The following CNTN4 variants were observed in gnomAD, a reference collection of about 807,000 sequenced individuals.
The protein encoded by CNTN4 is contactin-4.
CNTN4 carries 77 observed loss-of-function variants against 122.5 expected under a neutral mutation model. The ratio of observed to expected loss-of-function variants is 0.63; its 90% confidence interval spans 0.52 to 0.76. CNTN4 has a LOEUF of 0.76. Among genes scored for constraint, CNTN4 ranks in the 30% least tolerant of loss-of-function variants. The pLI is 0.00. For missense variants in CNTN4, 1,256 were observed against 1,259.1 expected (o/e 1.00, Z 0.04); for synonymous variants, 512 against 447.0 (o/e 1.15, Z -1.83).
rs192617245 is a variant in CNTN4 at position 2,890,992 on chromosome 3, T to C, written c.940+3768T>C. On this transcript the variant is annotated intron_variant, in intron 10 of 24. Coordinates refer to ENST00000418658, the MANE Select transcript of CNTN4 (RefSeq NM_175607.3). Reference sequence around the variant, plus strand: ...TGACTTTAATACATTATTTACTTGTTTAACAAATTTTTTTTTATTGCCTAC... The same window carrying C: ...TGACTTTAATACATTATTTACTTGTCTAACAAATTTTTTTTTATTGCCTAC... Among the ~76,000 whole-genome samples the C allele has an allele frequency of 6.5e-3, 772 of 117,928 alleles. 19 individuals are homozygous for C. The highest frequency in any genetic ancestry group is 3.7e-3 in the Non-Finnish European group (201 of 53,846). 77.4% of individuals were successfully genotyped at this position (117,928 alleles called of 152,430 possible). A position where few individuals can be genotyped will look rare whatever the true frequency, so the allele number is the denominator to read the frequency against.
At chr3:2,804,098 C>T (rs918166874) in intron 6 of CNTN4, among the ~76,000 whole-genome samples, 29 of 137,364 alleles carry the variant, frequency 2.1e-4, no homozygotes, top group Non-Finnish European at 4.2e-4. Flanking sequence ...CACACACACA[C>T]GTATGATAAA....
chr3:3,034,668 A>G lies in CNTN4; in HGVS notation c.1820A>G (p.Glu607Gly), dbSNP rs1699446555. The G allele has an allele frequency of 1.9e-6, 3 of 1,614,044 alleles. No individual in the cohort carries two copies. Among genetic ancestry groups the G allele is most frequent in the South Asian group, 1.1e-5 (1 of 91,076 alleles). The change falls in exon 17 of 25, where the codon GAA (glutamate) becomes GGA (glycine). Residue 607 changes from glutamate to glycine, a missense_variant. Coordinates refer to ENST00000418658, the MANE Select transcript of CNTN4 (RefSeq NM_175607.3). ...CCCCCAGAGGCTGTGACAATAGACGAAATCACAGATACCACTGCTCAGCTC... is the reference window on the plus strand; with the variant it reads ...CCCCCAGAGGCTGTGACAATAGACGGAATCACAGATACCACTGCTCAGCTC... Reference protein sequence around the residue: ...PGPPEAVTIDEITDTTAQLSW... With the variant: ...PGPPEAVTIDGITDTTAQLSW...
At chr3:2,683,722 G>A (rs1400374096) in intron 4 of CNTN4, among the ~76,000 whole-genome samples, 1 of 152,076 alleles carries the variant, frequency 6.6e-6, no homozygotes, top group Non-Finnish European at 1.5e-5. Context: ...TTTGAGCAAA[G>A]GTAAACACAT....
At chr3:2,919,461 A>G (rs1160114898) in intron 12 of CNTN4, among the ~76,000 whole-genome samples, 2 of 152,116 alleles carry the variant, frequency 1.3e-5, no homozygotes, top group Non-Finnish European at 1.5e-5. Flanking sequence ...GCACCGTGCC[A>G]GGCCCAAGGG....
chr3:2,916,751 G>C lies in CNTN4; in HGVS notation c.1208-8878G>C, dbSNP rs1397326809. Among the ~76,000 whole-genome samples, 29 of 143,620 alleles carry C rather than the reference G, an allele frequency of 2.0e-4. 1 individual carries two copies. Among genetic ancestry groups the C allele is most frequent in the East Asian group, 4.1e-4 (2 of 4,868 alleles). 94.2% of individuals were successfully genotyped at this position (143,620 alleles called of 152,430 possible). A position where few individuals can be genotyped will look rare whatever the true frequency, so the allele number is the denominator to read the frequency against. ...AGACGGGGTGGCGGCCGGGCAGAGG[G>C]GCTCCTCACTTCCCAGTAGGGGCGG... On this transcript the variant is annotated intron_variant, in intron 12 of 24. Transcript: ENST00000418658.
chr3:2,508,720 C>T (rs1303918336), intron 3 of CNTN4, among the ~76,000 whole-genome samples: 1 of 152,138 alleles, frequency 6.6e-6, no homozygotes, highest in Non-Finnish European at 1.5e-5. Flanking sequence ...AAAATATATT[C>T]TGAGGTAAAA....
intron 4 of CNTN4, among the ~76,000 whole-genome samples, chr3:2,694,404 C>G (rs896045178): frequency 4.6e-5 from 7 of 152,176 alleles, no homozygotes; most frequent in Non-Finnish European, 8.8e-5. Flanking sequence ...AGTCTGTGTT[C>G]TATACTTCTT....
chr3:2,916,494 T>G (rs1450341365), intron 12 of CNTN4, among the ~76,000 whole-genome samples: 2 of 148,102 alleles, frequency 1.4e-5, no homozygotes, highest in Admixed American at 6.8e-5. Flanking sequence ...ACACAACACA[T>G]GTTTCAGAGA....
At chr3:2,381,338 C>T (rs572531074) in intron 3 of CNTN4, among the ~76,000 whole-genome samples, 1 of 152,088 alleles carries the variant, frequency 6.6e-6, no homozygotes, top group Non-Finnish European at 1.5e-5. Context: ...AAATGGGCCC[C>T]AATATTTGCC....
chr3:2,176,734 T>C (rs1446222061), intron 2 of CNTN4, among the ~76,000 whole-genome samples: 1 of 152,160 alleles, frequency 6.6e-6, no homozygotes, highest in African/African-American at 2.4e-5. Flanking sequence ...GGTTAAATTT[T>C]AAGATATTTG....
chr3:2,895,911 T>C (rs907301177), intron 10 of CNTN4, among the ~76,000 whole-genome samples: 1 of 152,142 alleles, frequency 6.6e-6, no homozygotes, highest in African/African-American at 2.4e-5. Flanking sequence ...CGGGCGCCTG[T>C]GGTCCCAGCT....
intron 2 of CNTN4, among the ~76,000 whole-genome samples, chr3:2,283,739 C>A (rs2041806384): frequency 6.6e-6 from 1 of 152,082 alleles, no homozygotes. Flanking sequence ...TTGCATTGAG[C>A]ACCATCACCC....
chr3:2,193,019 A>T (rs73098102), intron 2 of CNTN4, among the ~76,000 whole-genome samples: 2,380 of 151,946 alleles, frequency 0.016, 62 homozygotes, highest in African/African-American at 0.055. Context: ...TGATTTCCTT[A>T]TTTCTCTCTT....
chr3:2,562,686 C>T (rs1050930193), intron 3 of CNTN4, among the ~76,000 whole-genome samples: 1 of 150,508 alleles, frequency 6.6e-6, no homozygotes, highest in African/African-American at 2.4e-5. Flanking sequence ...CATACAAGTG[C>T]ATGTGTCTTT....
chr3:2,522,146 AGTTTGTGTGTGTGTGTGT>A (rs1462713081), intron 3 of CNTN4, among the ~76,000 whole-genome samples: 29 of 134,552 alleles, frequency 2.2e-4, no homozygotes, highest in Middle Eastern at 4.2e-3. Context: ...CTGCCTAAGC[AGTTTGTGTGTGTGTGTGT>A]GTGTGTGTGT....
Position 2,596,820 on chromosome 3 carries a change from A to G in CNTN4, c.55+25262A>G, listed in dbSNP as rs779980628. ...TCTATCCATGTAATTTTAATACAAT[A>G]AATGCTATGTGCTGAGTGTTTTTTA... On this transcript the variant is annotated intron_variant, in intron 4 of 24. Coordinates refer to ENST00000418658, the MANE Select transcript of CNTN4 (RefSeq NM_175607.3). Among the ~76,000 whole-genome samples the G allele has an allele frequency of 2.6e-5, 4 of 152,216 alleles. No individual in the cohort carries two copies. The South Asian group carries it at 8.3e-4, about 31-fold the overall frequency.
chr3:2,665,804 A>G (rs2084125692), intron 4 of CNTN4, among the ~76,000 whole-genome samples: 1 of 152,200 alleles, frequency 6.6e-6, no homozygotes, highest in Non-Finnish European at 1.5e-5. Context: ...TATATGAGAA[A>G]AAATATGGGG....
chr3:2,761,330 T>A (rs1181005226), intron 6 of CNTN4, among the ~76,000 whole-genome samples: 1 of 152,172 alleles, frequency 6.6e-6, no homozygotes, highest in Non-Finnish European at 1.5e-5. Context: ...CCTCTGAATT[T>A]TGCTGCCTTC....
At chr3:2,678,030 A>G (rs2728014) in intron 4 of CNTN4, among the ~76,000 whole-genome samples, 72,845 of 151,668 alleles carry the variant, frequency 0.48, 18,335 homozygotes, top group African/African-American at 0.62. Flanking sequence ...GCTTACCAGA[A>G]GTGTTTTCTT....
Sources: gnomAD v4.1 joint callset for allele counts (sites outside exome capture counted in the v4.1 genomes callset) on GRCh38, gnomAD v4.1.1 for gene constraint, MANE v1.5 for transcripts, NCBI Gene and HGNC (gene_info 2026-07-23, HGNC 2026-07-21) for gene names.